The following HELZ variants were observed in gnomAD, a reference collection of about 807,000 sequenced individuals.
HELZ encodes ATP-dependent RNA helicase with zinc finger domain.
HELZ carries 23 observed loss-of-function variants against 218.2 expected under a neutral mutation model. The ratio of observed to expected loss-of-function variants is 0.11; its 90% CI spans 0.08 to 0.15. HELZ has a LOEUF of 0.15. HELZ is among the 10% of genes least tolerant of loss of function. The probability of loss-of-function intolerance (pLI) is 1.00; values close to 1 mark genes in which losing one functional copy is unlikely to be tolerated. For missense variants in HELZ, 1,813 were observed against 2,353.7 expected (o/e 0.77, Z 4.75); for synonymous variants, 814 against 829.4 (o/e 0.98, Z 0.32).
At chr17:67,089,666 T>TAGAGAGAGAG (rs1204609061) in intron 31 of HELZ, among the ~76,000 whole-genome samples, 115 of 54,784 alleles carry the variant, frequency 2.1e-3, no homozygotes, top group African/African-American at 7.5e-3. Flanking sequence ...TATATATATA[T>TAGAGAGAGAG]ATAGAGAGAG....
Position 67,108,810 on chromosome 17 carries a change from C to T in HELZ, c.4490-84G>A. ...AAGTTTTTTACTAACATATTTTCTC[C>T]ACAAAGACAAAGGACGTAGCTACAA... On this transcript the variant is annotated intron_variant, in intron 29 of 32. Transcript: ENST00000358691. The surrounding 1 kb of genome is among the most constrained non-coding windows in gnomAD (Gnocchi z 4.1). The T allele has an allele frequency of 9.2e-7, 1 of 1,087,028 alleles. No individual in the cohort carries two copies. Among genetic ancestry groups the T allele is most frequent in the Non-Finnish European group, 1.3e-6 (1 of 767,116 alleles). 67.3% of individuals were successfully genotyped at this position (1,087,028 alleles called of 1,614,324 possible). A position where few individuals can be genotyped will look rare whatever the true frequency, so the allele number is the denominator to read the frequency against.
chr17:67,245,224 T>A (rs981627656), upstream of HELZ: 2 of 985,254 alleles, frequency 2.0e-6, no homozygotes, highest in African/African-American at 3.5e-5. Flanking sequence ...AAAGAGCCTT[T>A]AAAGTGACTC....
intron 2 of HELZ, among the ~76,000 whole-genome samples, chr17:67,240,124 GT>G (rs1410964761): frequency 6.6e-6 from 1 of 152,110 alleles, no homozygotes; most frequent in African/African-American, 2.4e-5. Context: ...AGAACTAACT[GT>G]TTTCATGTTT....
In HELZ at chr17:67,085,242, A is replaced by C. The variant is rs2036333088; in HGVS notation, c.5494+1587T>G. 2.6e-5 allele frequency among the ~76,000 whole-genome samples: 4 copies of C among 152,074 alleles called. No homozygotes were observed. The South Asian group carries it at 8.3e-4, about 32-fold the overall frequency. On this transcript the variant is annotated intron_variant, in intron 32 of 32. Coordinates refer to ENST00000358691, the MANE Select transcript of HELZ (RefSeq NM_014877.4). ...GAGACCAGCCTGGGAAACATGGCGAAACCCCATTTCTACAAAAATAAACAC... is the reference window on the plus strand; with the variant it reads ...GAGACCAGCCTGGGAAACATGGCGACACCCCATTTCTACAAAAATAAACAC...
At chr17:67,205,798 G>A (rs1270487390) in intron 5 of HELZ, among the ~76,000 whole-genome samples, 2 of 152,176 alleles carry the variant, frequency 1.3e-5, no homozygotes, top group African/African-American at 4.8e-5. Flanking sequence ...CTACATTGCT[G>A]TATGAATATC....
intron 31 of HELZ, among the ~76,000 whole-genome samples, chr17:67,088,407 T>C (rs1242842362): frequency 6.6e-6 from 1 of 152,190 alleles, no homozygotes; most frequent in Non-Finnish European, 1.5e-5. Flanking sequence ...CAGGATGGCT[T>C]CTGGAAATAT....
intron 3 of HELZ, among the ~76,000 whole-genome samples, chr17:67,236,314 A>G (rs1170488213): frequency 6.6e-6 from 1 of 152,236 alleles, no homozygotes; most frequent in East Asian, 1.9e-4. Context: ...ATATCCATAT[A>G]TCTGTTAGGA....
chr17:67,207,998 CAAAACA>C (rs1428067440), intron 5 of HELZ, among the ~76,000 whole-genome samples: 3 of 151,974 alleles, frequency 2.0e-5, no homozygotes, highest in African/African-American at 7.2e-5. Context: ...GACCCTGTCT[CAAAACA>C]AAAACAAAAA....
intron 31 of HELZ, among the ~76,000 whole-genome samples, chr17:67,105,448 T>A (rs1271500831): frequency 1.3e-5 from 2 of 152,182 alleles, no homozygotes; most frequent in Non-Finnish European, 2.9e-5. Flanking sequence ...GTTACTAATC[T>A]GAGAGTGGGG....
chr17:67,171,346 G>A (rs981222726), intron 13 of HELZ, among the ~76,000 whole-genome samples: 1 of 152,104 alleles, frequency 6.6e-6, no homozygotes, highest in African/African-American at 2.4e-5. Context: ...CCTCCCCAGT[G>A]TGACCCAACC....
At chr17:67,235,504 C>CAA (rs535025750) in intron 3 of HELZ, among the ~76,000 whole-genome samples, 19 of 122,032 alleles carry the variant, frequency 1.6e-4, no homozygotes, top group African/African-American at 3.5e-4. Flanking sequence ...GACTCCCTCA[C>CAA]AAAAAAAAAA....
At chr17:67,239,973 A>G (rs1399826247) in intron 2 of HELZ, among the ~76,000 whole-genome samples, 2 of 152,218 alleles carry the variant, frequency 1.3e-5, no homozygotes, top group Non-Finnish European at 2.9e-5. Flanking sequence ...TAGTAAATAT[A>G]CTGTGCAGCT....
intron 6 of HELZ, among the ~76,000 whole-genome samples, chr17:67,202,373 T>C (rs896713629): frequency 6.6e-6 from 1 of 152,186 alleles, no homozygotes; most frequent in Non-Finnish European, 1.5e-5. Context: ...ACATGCCTAT[T>C]GCCCTAGCTA....
chr17:67,221,817 TGTTG>T (rs1026795701), intron 3 of HELZ, among the ~76,000 whole-genome samples: 9 of 151,948 alleles, frequency 5.9e-5, no homozygotes, highest in Non-Finnish European at 1.3e-4. Flanking sequence ...TAAAGTTTTT[TGTTG>T]TTGTTGTTGC....
Position 67,167,700 on chromosome 17 carries a change from A to G in HELZ, c.1527T>C (p.Gly509=). The G allele has an allele frequency of 6.2e-7, 1 of 1,614,168 alleles. No individual in the cohort carries two copies. The highest frequency in any genetic ancestry group is 2.2e-5 in the East Asian group (1 of 44,878). ...AKYAQNGQLF[G]RFKLTETLSE... ...AAAGTGTTTCAGTAAGCTTAAAGCG[A>G]CCAAAAAGTTGTCCATTCTGAGCAT... Residue 509 remains glycine (G), a synonymous_variant, in exon 14 of 33, where the codon GGT becomes GGC. Coordinates refer to ENST00000358691, the MANE Select transcript of HELZ (RefSeq NM_014877.4).
intron 23 of HELZ, among the ~76,000 whole-genome samples, chr17:67,129,826 A>G (rs931361351): frequency 7.2e-5 from 11 of 152,096 alleles, no homozygotes; most frequent in African/African-American, 2.7e-4. Flanking sequence ...GACAACATAT[A>G]AAGTTTTTAA....
chr17:67,146,262 T>C (rs933687239), intron 20 of HELZ, among the ~76,000 whole-genome samples: 2 of 152,210 alleles, frequency 1.3e-5, no homozygotes, highest in African/African-American at 4.8e-5. Context: ...TAGTCAACAA[T>C]AGACAGTACA....
chr17:67,235,073 C>T (rs1052307070), intron 3 of HELZ, among the ~76,000 whole-genome samples: 8 of 152,130 alleles, frequency 5.3e-5, no homozygotes, highest in South Asian at 2.1e-4. Flanking sequence ...TCCTTGTCAA[C>T]GGAACAATGT....
chr17:67,107,250 A>G lies in HELZ; in HGVS notation c.5160T>C (p.His1720=). The change falls in exon 31 of 33, where the codon CAT becomes CAC. Residue 1720 remains histidine (H), a synonymous_variant. Coordinates refer to ENST00000358691, the MANE Select transcript of HELZ (RefSeq NM_014877.4). ...ATGGCTCTTGACCAATAGCATGTTG[A>G]TGATTCTGTATTTGTACAAAAGGGT... ...PQNPFVQIQN[H]QHAIGQEPFH... is the part of the protein sequence containing the mutation. 3 of 1,614,152 alleles carry G rather than the reference A, an allele frequency of 1.9e-6. No individual in the cohort carries two copies. The highest frequency in any genetic ancestry group is 2.7e-5 in the African/African-American group (2 of 75,048).
Sources: allele counts gnomAD v4.1 joint callset (sites outside exome capture counted in the v4.1 genomes callset), GRCh38; gene constraint gnomAD v4.1.1; non-coding constraint Gnocchi (gnomAD v3.1); transcripts MANE v1.5; gene names NCBI Gene and HGNC (gene_info 2026-07-23, HGNC 2026-07-21).